WDR64: variants seen among roughly 807,000 people sequenced by gnomAD.
The protein encoded by WDR64 is WD repeat domain 64, also known as WD repeat-containing protein 64.
WDR64 carries 112 observed loss-of-function variants against 139.3 expected under a neutral mutation model. That is an observed-to-expected ratio of 0.80 (90% CI 0.69 to 0.94). The LOEUF (loss-of-function observed/expected upper bound fraction) is 0.94, where lower values mean the gene tolerates loss of function less well. WDR64 is among the 40% of genes least tolerant of loss of function. WDR64 has a pLI of 0.00. For synonymous variants in WDR64, 444 were observed against 437.7 expected (o/e 1.01, Z -0.18); for missense variants, 1,206 against 1,293.1 (o/e 0.93, Z 1.03).
At chr1:241,652,656 C>T in intron 1 of WDR64, 27 bp downstream of exon 1, 1 of 1,549,320 alleles carries the variant, frequency 6.5e-7, no homozygotes, top group South Asian at 1.2e-5. Context: ...CACGATAGTC[C>T]AATTGGGTCT....
At chr1:241,737,985 T>G (rs542783833) in intron 10 of WDR64, among the ~76,000 whole-genome samples, 1 of 152,304 alleles carries the variant, frequency 6.6e-6, no homozygotes, top group Non-Finnish European at 1.5e-5. Flanking sequence ...AAAATATGTC[T>G]TCTCCCTATT....
chr1:241,735,819 TTCTATCTCTC>T (rs56696603), intron 10 of WDR64, among the ~76,000 whole-genome samples: 6,728 of 128,204 alleles, frequency 0.052, 413 homozygotes, highest in African/African-American at 0.16. Flanking sequence ...GTCCTTCTCT[TTCTATCTCTC>T]TCTCTCTCTC....
intron 9 of WDR64, among the ~76,000 whole-genome samples, chr1:241,720,047 T>C (rs1375879846): frequency 6.6e-6 from 1 of 152,204 alleles, no homozygotes; most frequent in Non-Finnish European, 1.5e-5. Context: ...AGTGAGAACA[T>C]ACAGTGTTTG....
At chr1:241,683,973 T>C (rs1165296679) in intron 7 of WDR64, among the ~76,000 whole-genome samples, 2 of 151,568 alleles carry the variant, frequency 1.3e-5, no homozygotes, top group African/African-American at 4.9e-5. Context: ...AACTAAAACT[T>C]ACAGGTACTT....
chr1:241,727,778 A>G (rs189581328), intron 10 of WDR64, among the ~76,000 whole-genome samples: 36 of 152,184 alleles, frequency 2.4e-4, no homozygotes, highest in Middle Eastern at 6.8e-3. Flanking sequence ...AATGGCTCAA[A>G]CCTGTAATCC....
intron 19 of WDR64, 85 bp downstream of exon 19, chr1:241,771,782 TATATATATTCC>T (rs1417436190): frequency 1.0e-5 from 8 of 791,250 alleles, no homozygotes; most frequent in East Asian, 7.0e-5. Flanking sequence ...TCTTAATGAA[TATATATATTCC>T]TTAATATATA....
At chr1:241,799,214 AAAAAAAAAAT>A (rs1273246385) in intron 27 of WDR64, among the ~76,000 whole-genome samples, 34 of 134,284 alleles carry the variant, frequency 2.5e-4, no homozygotes, top group Non-Finnish European at 4.8e-4. Flanking sequence ...AAAAAAAAAA[AAAAAAAAAAT>A]ACAAAAATTA....
At chr1:241,708,370 G>A (rs11576142) in intron 8 of WDR64, among the ~76,000 whole-genome samples, 7,142 of 152,290 alleles carry the variant, frequency 0.047, 215 homozygotes, top group South Asian at 0.085. Context: ...AGGCCAGAGT[G>A]CAGTGGCACA....
rs1669170239 is a variant in WDR64 at position 241,733,431 on chromosome 1, T to C, written c.1195-4932T>C. Among the ~76,000 whole-genome samples, 3 of 151,958 alleles carry C rather than the reference T, an allele frequency of 2.0e-5. No individual in the cohort carries two copies. In the South Asian group the frequency reaches 6.2e-4, roughly 32 times the overall value. ...TGGAGGTTGCAGTGAGCCGAGATCA[T>C]GCCATTGCACTCCAGCCTGGGCGAC... On this transcript the variant is annotated intron_variant, in intron 10 of 27. Transcript: ENST00000437684.
intron 9 of WDR64, among the ~76,000 whole-genome samples, chr1:241,720,531 G>T (rs540721629): frequency 1.3e-5 from 2 of 152,074 alleles, no homozygotes; most frequent in Non-Finnish European, 2.9e-5. Context: ...TTGTGGTTTT[G>T]ATTTGCATTT....
In WDR64 at chr1:241,731,387, C is replaced by T. The variant is rs150642649; in HGVS notation, c.1195-6976C>T. ...ATAAATCTAAGTACATAAATATGTC[C>T]TAACATAGATGTAAGCTCTTTATAT... On this transcript the variant is annotated intron_variant, in intron 10 of 27. Transcript: ENST00000437684. 1.3e-4 allele frequency among the ~76,000 whole-genome samples: 20 copies of T among 152,058 alleles called. 1 individual carries two copies. The East Asian group carries it at 3.9e-3, about 29-fold the overall frequency.
At chr1:241,678,129 T>C (rs905481908) in intron 4 of WDR64, 58 bp from the exon 5 acceptor site, 7 of 398,650 alleles carry the variant, frequency 1.8e-5, no homozygotes, top group Non-Finnish European at 2.2e-5. Flanking sequence ...AGAGTCAGCA[T>C]TCTCATCTTT....
In WDR64 at chr1:241,660,558, A is replaced by T. The variant is rs1665787085; in HGVS notation, c.174A>T (p.Ala58=). The change falls in exon 2 of 28, where the codon GCA becomes GCT. Residue 58 remains alanine (A), a synonymous_variant. Transcript: ENST00000437684. The part of the protein sequence containing the change: ...EDAIGYDKFY[A]SVQKLFGPDV... ...CAATTGGTTATGACAAGTTTTATGC[A>T]TCGGTACAGAAGCTCTTTGGTCCAG... is the stretch of plus-strand genomic sequence containing the variant. 1.9e-6 allele frequency: 3 copies of T among 1,551,726 alleles called. No homozygotes were observed. The highest frequency in any genetic ancestry group is 2.7e-5 in the African/African-American group (2 of 73,036).
intron 8 of WDR64, among the ~76,000 whole-genome samples, chr1:241,695,463 C>T (rs1243787676): frequency 6.6e-6 from 1 of 152,132 alleles, no homozygotes; most frequent in African/African-American, 2.4e-5. Context: ...CTGAATATTA[C>T]ACATTTACCA....
intron 25 of WDR64, 29 bp downstream of exon 25, chr1:241,790,725 ATGGCAACAAC>A: frequency 7.1e-7 from 1 of 1,399,662 alleles, no homozygotes; most frequent in Non-Finnish European, 9.8e-7. Context: ...AAAAAAAGAA[ATGGCAACAAC>A]AACAAAACCT....
rs554735336 is a variant in WDR64, at chr1:241,659,440, G to C, written c.146-1090G>C. Among the ~76,000 whole-genome samples, 58 of 152,230 alleles carry C rather than the reference G, an allele frequency of 3.8e-4. 1 individual carries two copies. The highest frequency in any genetic ancestry group is 7.9e-4 in the Admixed American group (12 of 15,280). ...GTATATACTCAGTAATGGGATTGCT[G>C]GGTCAAATGGTATTTCTGCCTCTAG... On this transcript the variant is annotated intron_variant, in intron 1 of 27. Transcript: ENST00000437684.
chr1:241,664,174 C>A (rs750814902), intron 2 of WDR64, among the ~76,000 whole-genome samples: 1 of 152,160 alleles, frequency 6.6e-6, no homozygotes, highest in Non-Finnish European at 1.5e-5. Flanking sequence ...GTAAACCCTG[C>A]GGATATTCCC....
intron 20 of WDR64, 90 bp downstream of exon 20, chr1:241,773,021 T>C: frequency 7.3e-7 from 1 of 1,367,300 alleles, no homozygotes. Context: ...CCATATGGCA[T>C]CCAATTATAA....
intron 21 of WDR64, among the ~76,000 whole-genome samples, chr1:241,777,079 C>T (rs1437434037): frequency 6.6e-6 from 1 of 152,128 alleles, no homozygotes; most frequent in African/African-American, 2.4e-5. Context: ...GGCATCATTA[C>T]ATCATTAGTT....
Sources: gnomAD v4.1 joint callset for allele counts (sites outside exome capture counted in the v4.1 genomes callset) on GRCh38, gnomAD v4.1.1 for gene constraint, MANE v1.5 for transcripts, NCBI Gene and HGNC (gene_info 2026-07-23, HGNC 2026-07-21) for gene names.